Variants in ERC1 observed in about 807,000 individuals in gnomAD.
The protein encoded by ERC1 is ELKS/RAB6-interacting/CAST family member 1.
Under a neutral mutation model 132.0 loss-of-function variants are expected in ERC1, and 56 were observed. The ratio of observed to expected loss-of-function variants is 0.42; its 90% CI spans 0.34 to 0.53. The LOEUF (loss-of-function observed/expected upper bound fraction) is 0.53. Ranked by LOEUF, ERC1 falls within the 20% of genes least tolerant of loss-of-function variation. ERC1 has a pLI of 0.03. For synonymous variants in ERC1, 478 were observed against 476.1 expected (o/e 1.00, Z -0.05); for missense variants, 1,202 against 1,349.9 (o/e 0.89, Z 1.72).
chr12:1,029,697 T>C (rs1257122262), intron 2 of ERC1, among the ~76,000 whole-genome samples: 1 of 151,912 alleles, frequency 6.6e-6, no homozygotes, highest in Non-Finnish European at 1.5e-5. Flanking sequence ...ACTCCAAAGA[T>C]GTGAACAAAT....
intron 8 of ERC1, among the ~76,000 whole-genome samples, chr12:1,165,936 G>C (rs1952380429): frequency 6.6e-6 from 1 of 152,108 alleles, no homozygotes; most frequent in African/African-American, 2.4e-5. Context: ...ACTCACACCT[G>C]CTGGCAATTA....
chr12:1,137,193 G>T (rs1475367682), intron 7 of ERC1, among the ~76,000 whole-genome samples: 1 of 147,074 alleles, frequency 6.8e-6, no homozygotes, highest in East Asian at 2.0e-4. Context: ...CCGAATCCCT[G>T]GTTCAAGCAA....
At chr12:1,255,259 T>A (rs955158071) in intron 13 of ERC1, among the ~76,000 whole-genome samples, 33 of 152,218 alleles carry the variant, frequency 2.2e-4, no homozygotes, top group African/African-American at 7.5e-4. Context: ...TCCATGTCCC[T>A]GCAAAGGACA....
At chr12:1,133,050 A>G (rs1161132419) in intron 7 of ERC1, among the ~76,000 whole-genome samples, 8 of 151,602 alleles carry the variant, frequency 5.3e-5, no homozygotes, top group Non-Finnish European at 1.2e-4. Context: ...TAGAGACGGG[A>G]TTTCACATTG....
At chr12:1,025,473 T>TA (rs1966848167) in intron 1 of ERC1, among the ~76,000 whole-genome samples, 1 of 152,206 alleles carries the variant, frequency 6.6e-6, no homozygotes, top group South Asian at 2.1e-4. Context: ...CATTTTGACA[T>TA]AATTAAGTGT....
chr12:1,056,899 G>A (rs1007749355), intron 2 of ERC1, among the ~76,000 whole-genome samples: 3 of 152,134 alleles, frequency 2.0e-5, no homozygotes, highest in African/African-American at 4.8e-5. Context: ...AAATTACGCC[G>A]AGGACTCTAT....
At chr12:1,487,353 TATG>T (rs374939569) in intron 18 of ERC1, among the ~76,000 whole-genome samples, 39 of 151,206 alleles carry the variant, frequency 2.6e-4, no homozygotes, top group African/African-American at 2.4e-4. Context: ...TGCCCTGTCT[TATG>T]GTGCCAAGCA....
In ERC1 at chr12:1,494,242, G is replaced by A; in HGVS notation, c.*4012G>A. ...TGAGGAGGAAGGATGAGAAGAGACTGCAATGCAGCAGGCACCCTCTGCAGA... is the reference window on the plus strand; with the variant it reads ...TGAGGAGGAAGGATGAGAAGAGACTACAATGCAGCAGGCACCCTCTGCAGA... On this transcript the variant is annotated 3_prime_UTR_variant, in exon 19 of 19. Coordinates refer to ENST00000360905, the MANE Select transcript of ERC1 (RefSeq NM_178040.4). 4.3e-6 allele frequency: 1 copy of A among 232,268 alleles called. No individual in the cohort carries two copies. The highest frequency in any genetic ancestry group is 1.3e-3 in the Middle Eastern group (1 of 780). The allele number at this position is 232,268 out of a possible 1,614,324, so 14.4% of individuals were successfully genotyped here.
At chr12:1,391,274 G>A (rs949099359) in intron 16 of ERC1, 2 of 152,212 alleles carry the variant, frequency 1.3e-5, no homozygotes, top group Non-Finnish European at 1.5e-5. Flanking sequence ...GGAGGTAGAA[G>A]TCCAGTTTCT....
chr12:1,067,647 AG>A (rs1346619489), intron 2 of ERC1, among the ~76,000 whole-genome samples: 1 of 152,126 alleles, frequency 6.6e-6, no homozygotes, highest in Non-Finnish European at 1.5e-5. Flanking sequence ...GCTCTGTTTT[AG>A]TTTTCTCAAA....
At chr12:1,389,000 G>C (rs1007336100) in intron 16 of ERC1, among the ~76,000 whole-genome samples, 2 of 152,156 alleles carry the variant, frequency 1.3e-5, no homozygotes, top group African/African-American at 4.8e-5. Context: ...AGCTCTTTCA[G>C]TATGAGGCCT....
chr12:1,188,030 A>G (rs1345411703), intron 11 of ERC1, among the ~76,000 whole-genome samples: 2 of 152,324 alleles, frequency 1.3e-5, no homozygotes, highest in Admixed American at 6.5e-5. Flanking sequence ...GCTGATATGC[A>G]GTAGTTATAT....
intron 2 of ERC1, among the ~76,000 whole-genome samples, chr12:1,072,779 G>C (rs1280461788): frequency 1.3e-5 from 2 of 152,114 alleles, no homozygotes; most frequent in East Asian, 3.9e-4. Flanking sequence ...TGCAAGCTCT[G>C]CTTCCTGGGT....
chr12:1,267,888 T>C (rs2077575812), intron 14 of ERC1, among the ~76,000 whole-genome samples: 1 of 152,244 alleles, frequency 6.6e-6, no homozygotes, highest in Non-Finnish European at 1.5e-5. Context: ...TTTGACATTA[T>C]TTGGCTTATA....
At chr12:1,418,650 TCTC>T (rs2092277226) in intron 17 of ERC1, among the ~76,000 whole-genome samples, 1 of 144,468 alleles carries the variant, frequency 6.9e-6, no homozygotes, top group African/African-American at 2.6e-5. Context: ...TTTCTCTCTC[TCTC>T]TCTCTCTCTT....
intron 15 of ERC1, among the ~76,000 whole-genome samples, chr12:1,299,409 C>G (rs1038409481): frequency 3.9e-5 from 6 of 152,022 alleles, no homozygotes; most frequent in Admixed American, 1.3e-4. Flanking sequence ...ATTCTAAATA[C>G]CATGGCTTAG....
chr12:1,101,226 G>GAGTGCAT (rs1302258096), intron 3 of ERC1, among the ~76,000 whole-genome samples: 3 of 152,114 alleles, frequency 2.0e-5, no homozygotes, highest in African/African-American at 7.2e-5. Context: ...TTAGTTCCTG[G>GAGTGCAT]AGTGCATAAA....
At chr12:1,171,356 CTTTTTTT>C (rs57007848) in intron 8 of ERC1, among the ~76,000 whole-genome samples, 9 of 87,300 alleles carry the variant, frequency 1.0e-4, no homozygotes, top group Admixed American at 9.7e-4. Flanking sequence ...GCAAAACATT[CTTTTTTT>C]TTTTTTTTTT....
Position 1,495,748 on chromosome 12 carries a change from C to T in ERC1, c.*5518C>T, listed in dbSNP as rs113121031. 2.7e-5 allele frequency: 6 copies of T among 223,332 alleles called. No individual in the cohort carries two copies. Among genetic ancestry groups the T allele is most frequent in the Non-Finnish European group, 5.4e-5 (6 of 111,858 alleles). The allele number at this position is 223,332 out of a possible 1,614,324, so 13.8% of individuals were successfully genotyped here. A position where few individuals can be genotyped will look rare whatever the true frequency, so the allele number is the denominator to read the frequency against. On this transcript the variant is annotated 3_prime_UTR_variant, in exon 19 of 19. Transcript: ENST00000360905. ...GGTGGTGTCTGGGATGCACGTGCAC[C>T]CGCTGCCTTCAGCTGTATGTGTGTG...
Sources: allele counts gnomAD v4.1 joint callset (sites outside exome capture counted in the v4.1 genomes callset), GRCh38; gene constraint gnomAD v4.1.1; transcripts MANE v1.5; gene names NCBI Gene and HGNC (gene_info 2026-07-23, HGNC 2026-07-21).